Variants in KYAT3 observed in about 807,000 individuals in gnomAD.
KYAT3 encodes kynurenine--oxoglutarate transaminase 3.
A neutral mutation model predicts 59.0 loss-of-function variants in KYAT3; 50 were observed. That is an observed-to-expected ratio of 0.85 (90% CI 0.68 to 1.07). KYAT3 has a LOEUF of 1.07. Ranked by LOEUF, KYAT3 falls within the 50% of genes least tolerant of loss-of-function variation. KYAT3 has a pLI of 0.00. For synonymous variants in KYAT3, 148 were observed against 177.0 expected, an observed-to-expected ratio of 0.84 and a Z score of 1.30; for missense variants, 497 against 533.3, an observed-to-expected ratio of 0.93 and a Z score of 0.67.
chr1:88,987,062 A>G (rs1677501104), intron 2 of KYAT3, among the ~76,000 whole-genome samples: 1 of 152,246 alleles, frequency 6.6e-6, no homozygotes, highest in Non-Finnish European at 1.5e-5. Flanking sequence ...CAAATAGTCC[A>G]CAAGTTTGAA....
At position 88,936,129 on chromosome 1, in the gene KYAT3, G is replaced by T; in HGVS notation, c.*54C>A. On this transcript the variant is annotated 3_prime_UTR_variant, in exon 14 of 14. Transcript: ENST00000260508. The stretch of plus-strand genomic sequence containing the variant: ...AACATCCAGCAGGTGGCAGCACTAA[G>T]TAACAATTCCATACTAGGTCATCTA... The T allele has an allele frequency of 8.3e-7, 1 of 1,205,640 alleles. No homozygotes were observed. Among genetic ancestry groups the T allele is most frequent in the Non-Finnish European group, 1.2e-6 (1 of 829,492 alleles). 74.7% of individuals were successfully genotyped at this position (1,205,640 alleles called of 1,614,324 possible). A position where few individuals can be genotyped will look rare whatever the true frequency, so the allele number is the denominator to read the frequency against.
chr1:88,931,808 C>A (rs988741891), downstream of KYAT3, among the ~76,000 whole-genome samples: 5 of 141,030 alleles, frequency 3.5e-5, no homozygotes, highest in South Asian at 6.8e-4. Flanking sequence ...CCCAAGCATT[C>A]GAGCCAGCAA....
At chr1:88,950,513 CT>C (rs2101028686) in intron 10 of KYAT3, among the ~76,000 whole-genome samples, 1 of 147,672 alleles carries the variant, frequency 6.8e-6, no homozygotes, top group East Asian at 2.0e-4. Flanking sequence ...TTTTTTTTCT[CT>C]TGGCAACTTG....
At chr1:88,954,602 A>G (rs967204249) in intron 9 of KYAT3, among the ~76,000 whole-genome samples, 14 of 152,226 alleles carry the variant, frequency 9.2e-5, no homozygotes, top group African/African-American at 3.4e-4. Flanking sequence ...TTGATCACTT[A>G]TAAAAGGGAA....
chr1:88,969,545 C>A, intron 2 of KYAT3, 78 bp from the exon 3 acceptor site: 1 of 770,554 alleles, frequency 1.3e-6, no homozygotes. Flanking sequence ...CACTCTTCTT[C>A]CTTTTCCCTA....
At chr1:88,976,182 C>A (rs1382838821) in intron 2 of KYAT3, among the ~76,000 whole-genome samples, 1 of 151,960 alleles carries the variant, frequency 6.6e-6, no homozygotes, top group African/African-American at 2.4e-5. Context: ...TATGGTGAAA[C>A]CCTGTCTCTA....
At chr1:88,982,464 A>G in intron 2 of KYAT3, 1 of 1,071,272 alleles carries the variant, frequency 9.3e-7, no homozygotes, top group Non-Finnish European at 1.3e-6. Context: ...CATAAAGTCA[A>G]ATAAAATTAA....
intron 4 of KYAT3, among the ~76,000 whole-genome samples, chr1:88,966,135 T>G (rs1676342519): frequency 6.6e-6 from 1 of 152,166 alleles, no homozygotes; most frequent in African/African-American, 2.4e-5. Context: ...GCAACACCAC[T>G]CTCAGTGCTT....
Position 88,964,922 on chromosome 1 carries a change from C to CT in KYAT3, c.359dup (p.Gln121AlafsTer3). 6.2e-7 allele frequency: 1 copy of CT among 1,610,624 alleles called. No individual in the cohort carries two copies. On this transcript the variant is annotated frameshift_variant, in exon 5 of 14. Transcript: ENST00000260508. LOFTEE classifies it high-confidence loss of function. ...GGATTTCTTTATTTGAATCAATTTG[C>CT]TTTTGATAAAGCTTTTCATACAGAT...
chr1:88,924,209 T>TC, the KYAT3 span, among the ~76,000 whole-genome samples: 1 of 152,240 alleles, frequency 6.6e-6, no homozygotes, highest in South Asian at 2.1e-4. Context: ...CTGTGGCCAC[T>TC]CCACCTCCCA....
At chr1:88,937,067 C>A (rs559243807) in intron 13 of KYAT3, among the ~76,000 whole-genome samples, 1 of 152,064 alleles carries the variant, frequency 6.6e-6, no homozygotes, top group Non-Finnish European at 1.5e-5. Flanking sequence ...AAGTGAGGCA[C>A]CTGTATGGTA....
rs375791260 is a variant in KYAT3, at chr1:88,961,358, A to C, written c.666+23T>G. 1.6e-4 allele frequency: 255 copies of C among 1,613,824 alleles called. 5 individuals carry two copies. The South Asian group carries it at 2.5e-3, about 16-fold the overall frequency. ...AGAAAATGATAGGTCAGAAGACTGT[A>C]TAAGGAGATGAGACTTGCTTACCTT... On this transcript the variant is annotated intron_variant, in intron 7 of 13. Coordinates refer to ENST00000260508, the MANE Select transcript of KYAT3 (RefSeq NM_001008661.3).
intron 6 of KYAT3, 77 bp downstream of exon 6, chr1:88,961,982 C>G (rs937488573): frequency 6.1e-6 from 6 of 988,930 alleles, no homozygotes; most frequent in African/African-American, 3.2e-5. Context: ...GAAACTTTAT[C>G]ATGACAAAGT....
chr1:88,960,161 C>T (rs891568090), intron 8 of KYAT3, among the ~76,000 whole-genome samples: 19 of 151,556 alleles, frequency 1.3e-4, no homozygotes, highest in African/African-American at 4.6e-4. Context: ...TTTTGAACTC[C>T]TGGACTCTAG....
intron 8 of KYAT3, among the ~76,000 whole-genome samples, chr1:88,959,586 A>G (rs976968378): frequency 6.6e-6 from 1 of 151,988 alleles, no homozygotes; most frequent in Non-Finnish European, 1.5e-5. Context: ...AAAAAAAAAA[A>G]AAAAAAATTA....
chr1:88,948,829 C>G, intron 11 of KYAT3, among the ~76,000 whole-genome samples: 1 of 152,242 alleles, frequency 6.6e-6, no homozygotes, highest in South Asian at 2.1e-4. Flanking sequence ...AAATTACACA[C>G]CAGAAGAGAG....
At chr1:88,965,772 C>T (rs1341688556) in intron 4 of KYAT3, among the ~76,000 whole-genome samples, 1 of 151,880 alleles carries the variant, frequency 6.6e-6, no homozygotes, top group Non-Finnish European at 1.5e-5. Flanking sequence ...TTTGAAGTAC[C>T]ATCCTGATTT....
At chr1:88,982,044 G>A in intron 2 of KYAT3, 1 of 981,650 alleles carries the variant, frequency 1.0e-6, no homozygotes, top group Non-Finnish European at 1.2e-6. Context: ...GGAGGGGAAA[G>A]GGGAGGTTCT....
intron 2 of KYAT3, among the ~76,000 whole-genome samples, chr1:88,987,585 T>C (rs1340375135): frequency 6.6e-6 from 1 of 152,198 alleles, no homozygotes; most frequent in African/African-American, 2.4e-5. Context: ...TACTTTAACC[T>C]AATATAAAAC....
Sources: allele counts gnomAD v4.1 joint callset (sites outside exome capture counted in the v4.1 genomes callset), GRCh38; gene constraint gnomAD v4.1.1; transcripts MANE v1.5; gene names NCBI Gene and HGNC (gene_info 2026-07-23, HGNC 2026-07-21).